ARHGAP6: variants seen among roughly 807,000 people sequenced by gnomAD.
The protein encoded by ARHGAP6 is rho GTPase-activating protein 6.
In ARHGAP6, 16 loss-of-function variants were observed where a neutral mutation model predicts 55.7. The ratio of observed to expected loss-of-function variants is 0.29; its 90% CI spans 0.19 to 0.44. The LOEUF (loss-of-function observed/expected upper bound fraction) is 0.44. ARHGAP6 is among the 20% of genes least tolerant of loss of function. ARHGAP6 has a pLI of 1.00. For synonymous variants in ARHGAP6, 382 were observed against 360.9 expected (o/e 1.06, Z -0.66); for missense variants, 698 against 808.9 (o/e 0.86, Z 1.66).
chrX:11,138,591 A>C lies in ARHGAP6; in HGVS notation c.*272T>G, dbSNP rs1283406732. ...ATACCAAGCAAGAGTTGTATCTTATATTATAGAGCCAAGAGGGACGTTTTT... is the reference window on the plus strand; with the variant it reads ...ATACCAAGCAAGAGTTGTATCTTATCTTATAGAGCCAAGAGGGACGTTTTT... On this transcript the variant is annotated 3_prime_UTR_variant, in exon 13 of 13. Coordinates refer to ENST00000337414, the MANE Select transcript of ARHGAP6 (RefSeq NM_013427.3). 4 of 394,566 alleles carry C rather than the reference A, an allele frequency of 1.0e-5. No homozygotes were observed. Among genetic ancestry groups the C allele is most frequent in the African/African-American group, 5.1e-5 (2 of 39,267 alleles). 32.5% of individuals were successfully genotyped at this position (394,566 alleles called of 1,213,427 possible).
chrX:11,469,247 A>C (rs2050324975), intron 1 of ARHGAP6, among the ~76,000 whole-genome samples: 1 of 112,878 alleles, frequency 8.9e-6, no homozygotes, highest in Non-Finnish European at 1.9e-5. Flanking sequence ...ATCTGCACAT[A>C]AATCAGGCCT....
chrX:11,199,220 G>C (rs759796151), intron 2 of ARHGAP6, among the ~76,000 whole-genome samples: 1 of 111,918 alleles, frequency 8.9e-6, no homozygotes, highest in South Asian at 3.8e-4. Flanking sequence ...TTCTAGCTTG[G>C]GGTTATTAGG....
chrX:11,505,250 C>T (rs1218850542), intron 1 of ARHGAP6, among the ~76,000 whole-genome samples: 2 of 110,837 alleles, frequency 1.8e-5, no homozygotes, highest in African/African-American at 3.3e-5. Flanking sequence ...GGCACAGATT[C>T]GTGAACTTGA....
At chrX:11,565,667 T>C (rs967932844) in intron 1 of ARHGAP6, among the ~76,000 whole-genome samples, 1 of 112,577 alleles carries the variant, frequency 8.9e-6, no homozygotes, top group African/African-American at 3.2e-5. Flanking sequence ...CCTAATTTCT[T>C]GAATGCTAGT....
intron 2 of ARHGAP6, chrX:11,225,611 G>A (rs1340333115): frequency 3.0e-6 from 1 of 330,927 alleles, no homozygotes; most frequent in South Asian, 6.5e-5. Flanking sequence ...GCAGAATTAT[G>A]TTTTGTAAGT....
intron 1 of ARHGAP6, among the ~76,000 whole-genome samples, chrX:11,452,001 T>C (rs1329393435): frequency 1.8e-5 from 2 of 112,303 alleles, no homozygotes; most frequent in Middle Eastern, 9.2e-3. Flanking sequence ...GGAGATATAA[T>C]ATTAGTATGG....
chrX:11,353,026 G>A lies in ARHGAP6; in HGVS notation c.589-98319C>T, dbSNP rs980320706. Among the ~76,000 whole-genome samples the A allele has an allele frequency of 1.3e-4, 14 of 111,512 alleles. No individual in the cohort carries two copies. In the South Asian group the frequency reaches 1.9e-3, roughly 15 times the overall value. ...ATTCAGTTCAAGCATACTTAGTACCGTATCCATCTGTGGGTAGCCAATTAG... is the reference window on the plus strand; with the variant it reads ...ATTCAGTTCAAGCATACTTAGTACCATATCCATCTGTGGGTAGCCAATTAG... On this transcript the variant is annotated intron_variant, in intron 1 of 12. Coordinates refer to ENST00000337414, the MANE Select transcript of ARHGAP6 (RefSeq NM_013427.3).
At chrX:11,186,139 G>C in intron 5 of ARHGAP6, 97 bp downstream of exon 5, 1 of 825,159 alleles carries the variant, frequency 1.2e-6, no homozygotes, top group Non-Finnish European at 1.7e-6. Context: ...TTCAGAGCTT[G>C]ATCATTTGAT....
At chrX:11,242,073 AC>A (rs1362595720) in intron 2 of ARHGAP6, among the ~76,000 whole-genome samples, 1 of 111,397 alleles carries the variant, frequency 9.0e-6, no homozygotes, top group Admixed American at 9.5e-5. Flanking sequence ...CTAAGAAGAA[AC>A]CTATTCTGTT....
At chrX:11,417,036 G>T (rs2049756348) in intron 1 of ARHGAP6, among the ~76,000 whole-genome samples, 1 of 72,449 alleles carries the variant, frequency 1.4e-5, no homozygotes, top group Non-Finnish European at 2.5e-5. Flanking sequence ...TAACAAACAG[G>T]ATGTTCTTTA....
chrX:11,225,642 A>T, intron 2 of ARHGAP6: 1 of 491,099 alleles, frequency 2.0e-6, no homozygotes, highest in Non-Finnish European at 3.3e-6. Flanking sequence ...ATCCGATTTT[A>T]ATCACTTTTT....
intron 3 of ARHGAP6, among the ~76,000 whole-genome samples, chrX:11,194,034 C>A (rs2046498710): frequency 8.9e-6 from 1 of 111,977 alleles, no homozygotes; most frequent in Non-Finnish European, 1.9e-5. Context: ...TAGAATAAAC[C>A]AAGTTTAAAA....
chrX:11,197,029 A>C (rs779789812), intron 2 of ARHGAP6, 33 bp from the exon 3 acceptor site: 1 of 729,285 alleles, frequency 1.4e-6, no homozygotes, highest in African/African-American at 2.1e-5. Flanking sequence ...TTATAAAGAT[A>C]AACATATAAG....
intron 1 of ARHGAP6, chrX:11,427,927 C>A: frequency 2.5e-6 from 1 of 402,759 alleles, no homozygotes; most frequent in Non-Finnish European, 3.1e-6. Context: ...CGGGTCCCTC[C>A]GGCGGCCGCC....
intron 1 of ARHGAP6, among the ~76,000 whole-genome samples, chrX:11,627,095 T>C (rs2052307774): frequency 8.9e-6 from 1 of 111,785 alleles, no homozygotes; most frequent in Non-Finnish European, 1.9e-5. Flanking sequence ...TTCCTAGGAA[T>C]ACATGCAAGA....
At chrX:11,468,380 C>T (rs917464477) in intron 1 of ARHGAP6, among the ~76,000 whole-genome samples, 6 of 111,831 alleles carry the variant, frequency 5.4e-5, no homozygotes, top group African/African-American at 1.6e-4. Context: ...CAGCCCCTGC[C>T]CCTTCATTTC....
chrX:11,607,737 C>G (rs1379190645), intron 1 of ARHGAP6, among the ~76,000 whole-genome samples: 1 of 112,138 alleles, frequency 8.9e-6, no homozygotes, highest in Non-Finnish European at 1.9e-5. Context: ...AAAAGTATAG[C>G]TTGTGACAGT....
intron 1 of ARHGAP6, among the ~76,000 whole-genome samples, chrX:11,572,361 T>C (rs947010083): frequency 3.8e-5 from 4 of 105,945 alleles, no homozygotes; most frequent in African/African-American, 1.0e-4. Context: ...ACAACAGTCA[T>C]CAGAGTGTGA....
intron 1 of ARHGAP6, among the ~76,000 whole-genome samples, chrX:11,659,006 G>T (rs1178955848): frequency 9.1e-6 from 1 of 110,426 alleles, no homozygotes; most frequent in Non-Finnish European, 1.9e-5. Context: ...ACTTTCTCCT[G>T]GTTGAGAACC....
Sources: gnomAD v4.1 joint callset for allele counts (sites outside exome capture counted in the v4.1 genomes callset) on GRCh38, gnomAD v4.1.1 for gene constraint, MANE v1.5 for transcripts, NCBI Gene and HGNC (gene_info 2026-07-23, HGNC 2026-07-21) for gene names.